GPC6: variants seen among roughly 807,000 people sequenced by gnomAD.
GPC6 encodes the protein glypican 6.
Under a neutral mutation model 55.2 loss-of-function variants are expected in GPC6, and 14 were observed. The ratio of observed to expected loss-of-function variants is 0.25; its 90% CI spans 0.17 to 0.40. The LOEUF (loss-of-function observed/expected upper bound fraction) is 0.40, where lower values mean the gene tolerates loss of function less well. GPC6 is among the 10% of genes least tolerant of loss of function. GPC6 has a pLI of 1.00. For synonymous variants in GPC6, 278 were observed against 259.6 expected (o/e 1.07, Z -0.68); for missense variants, 641 against 708.5 (o/e 0.90, Z 1.08).
intron 2 of GPC6, among the ~76,000 whole-genome samples, chr13:93,712,683 T>C (rs910728818): frequency 1.3e-5 from 2 of 151,400 alleles, no homozygotes; most frequent in Non-Finnish European, 3.0e-5. Context: ...TTTTGTCCTG[T>C]TTTTTTTCTC....
intron 6 of GPC6, among the ~76,000 whole-genome samples, chr13:94,375,355 A>G (rs1879793371): frequency 6.6e-6 from 1 of 152,168 alleles, no homozygotes; most frequent in Admixed American, 6.5e-5. Context: ...CAATAAAAAA[A>G]TAAGGGGGAT....
At chr13:93,343,008 T>TG (rs1880311178) in intron 1 of GPC6, among the ~76,000 whole-genome samples, 1 of 152,212 alleles carries the variant, frequency 6.6e-6, no homozygotes, top group African/African-American at 2.4e-5. Context: ...CAGTCATTGA[T>TG]ACACACTGGA....
intron 1 of GPC6, among the ~76,000 whole-genome samples, chr13:93,478,300 T>G (rs1879377014): frequency 6.6e-6 from 1 of 152,174 alleles, no homozygotes; most frequent in African/African-American, 2.4e-5. Context: ...TTAGGCCAAA[T>G]AATGCCTAAA....
chr13:93,691,029 T>C, intron 2 of GPC6, among the ~76,000 whole-genome samples: 1 of 152,128 alleles, frequency 6.6e-6, no homozygotes, highest in Non-Finnish European at 1.5e-5. Context: ...TTTTAATCTA[T>C]TCGCTTCAGC....
chr13:94,015,698 G>T (rs1453967063), intron 3 of GPC6, among the ~76,000 whole-genome samples: 1 of 152,124 alleles, frequency 6.6e-6, no homozygotes, highest in Non-Finnish European at 1.5e-5. Flanking sequence ...GTAGGTTCCA[G>T]CTGCATTTTT....
chr13:94,046,007 G>A (rs898111120), intron 4 of GPC6, among the ~76,000 whole-genome samples: 1 of 152,004 alleles, frequency 6.6e-6, no homozygotes, highest in Admixed American at 6.6e-5. Flanking sequence ...GTAAGTGGCA[G>A]AGCCAAGAAA....
intron 4 of GPC6, among the ~76,000 whole-genome samples, chr13:94,128,750 G>T (rs948100198): frequency 2.6e-5 from 4 of 152,132 alleles, no homozygotes; most frequent in Non-Finnish European, 5.9e-5. Context: ...CTGGCAAACA[G>T]CATTGTGAGC....
intron 4 of GPC6, among the ~76,000 whole-genome samples, chr13:94,079,661 T>C (rs1294211867): frequency 6.6e-6 from 1 of 152,212 alleles, no homozygotes; most frequent in Non-Finnish European, 1.5e-5. Context: ...TGAACCTATA[T>C]TCCTCCTGAC....
chr13:94,020,697 T>A (rs1211790429), intron 3 of GPC6, among the ~76,000 whole-genome samples: 1 of 152,150 alleles, frequency 6.6e-6, no homozygotes, highest in East Asian at 1.9e-4. Context: ...TCCCTTTACA[T>A]TGCATTTCCC....
chr13:93,474,607 G>A (rs1280932194), intron 1 of GPC6, among the ~76,000 whole-genome samples: 1 of 152,082 alleles, frequency 6.6e-6, no homozygotes. Flanking sequence ...TTCAGCCCAG[G>A]ATATACTGGA....
intron 2 of GPC6, among the ~76,000 whole-genome samples, chr13:93,717,452 T>C (rs1452452948): frequency 2.6e-5 from 4 of 151,584 alleles, no homozygotes; most frequent in Admixed American, 6.6e-5. Context: ...ATCCTTACTA[T>C]TGAGTTTTCA....
chr13:93,696,553 A>G (rs527494852), intron 2 of GPC6, among the ~76,000 whole-genome samples: 1 of 144,622 alleles, frequency 6.9e-6, no homozygotes, highest in Non-Finnish European at 1.6e-5. Context: ...TTTTTTTTTT[A>G]AAAAACAAAA....
chr13:94,271,044 C>T (rs1018927799), intron 4 of GPC6, among the ~76,000 whole-genome samples: 2 of 125,282 alleles, frequency 1.6e-5, no homozygotes, highest in South Asian at 2.7e-4. Context: ...GGCTGGAGTG[C>T]AGTGGCGCAA....
intron 4 of GPC6, among the ~76,000 whole-genome samples, chr13:94,175,468 A>G (rs1457892772): frequency 1.3e-5 from 2 of 152,134 alleles, no homozygotes; most frequent in East Asian, 3.8e-4. Flanking sequence ...CTTGTTGAGG[A>G]ACATTTGGAG....
chr13:94,030,307 C>T (rs1268256460), intron 4 of GPC6, among the ~76,000 whole-genome samples: 1 of 152,102 alleles, frequency 6.6e-6, no homozygotes, highest in East Asian at 1.9e-4. Context: ...CCGTGCCCGT[C>T]CCCTCTGTCT....
intron 1 of GPC6, among the ~76,000 whole-genome samples, chr13:93,287,147 C>T (rs1259868933): frequency 2.6e-5 from 4 of 152,132 alleles, no homozygotes; most frequent in African/African-American, 7.2e-5. Flanking sequence ...ATTACAAAAT[C>T]TGAACATGTC....
intron 2 of GPC6, among the ~76,000 whole-genome samples, chr13:93,628,065 C>T (rs537916291): frequency 1.3e-5 from 2 of 152,168 alleles, no homozygotes; most frequent in South Asian, 4.2e-4. Context: ...AAGTCTTGCT[C>T]CATAGAGCTG....
At chr13:93,478,718 G>A (rs1048531157) in intron 1 of GPC6, among the ~76,000 whole-genome samples, 4 of 152,140 alleles carry the variant, frequency 2.6e-5, no homozygotes, top group African/African-American at 7.2e-5. Context: ...AAAACTTAAG[G>A]AAATCATGTT....
intron 6 of GPC6, among the ~76,000 whole-genome samples, chr13:94,327,888 T>G (rs1877207131): frequency 6.6e-6 from 1 of 152,166 alleles, no homozygotes. Flanking sequence ...TGAGAGATTT[T>G]CTAGGAGAGG....
Sources: allele counts gnomAD v4.1 joint callset (sites outside exome capture counted in the v4.1 genomes callset), GRCh38; gene constraint gnomAD v4.1.1; transcripts MANE v1.5; gene names NCBI Gene and HGNC (gene_info 2026-07-23, HGNC 2026-07-21).